Variants in SKAP1 observed in about 807,000 individuals in gnomAD.
SKAP1 encodes src kinase-associated phosphoprotein 1.
Under a neutral mutation model 58.5 loss-of-function variants are expected in SKAP1, and 44 were observed. That is an observed-to-expected ratio of 0.75 (90% CI 0.59 to 0.97). The LOEUF is 0.97. SKAP1 is among the 50% of genes least tolerant of loss of function. The pLI is 0.00. For synonymous variants in SKAP1, 127 were observed against 149.7 expected (o/e 0.85, Z 1.11); for missense variants, 390 against 435.2 (o/e 0.90, Z 0.92).
At chr17:48,192,417 A>G (rs1024926994) in intron 4 of SKAP1, among the ~76,000 whole-genome samples, 4 of 152,108 alleles carry the variant, frequency 2.6e-5, no homozygotes, top group African/African-American at 9.7e-5. Context: ...CCTTTTTTTA[A>G]TGCAAATTTA....
At chr17:48,402,516 G>C (rs1326586750) in intron 1 of SKAP1, among the ~76,000 whole-genome samples, 4 of 152,094 alleles carry the variant, frequency 2.6e-5, no homozygotes, top group Non-Finnish European at 4.4e-5. Flanking sequence ...TTTTAGTAGA[G>C]ATGGGGTTTC....
intron 4 of SKAP1, among the ~76,000 whole-genome samples, chr17:48,283,400 A>T (rs2065792258): frequency 6.6e-6 from 1 of 152,252 alleles, no homozygotes; most frequent in South Asian, 2.1e-4. Context: ...CTCTGGAATC[A>T]GACTGCATGG....
intron 4 of SKAP1, among the ~76,000 whole-genome samples, chr17:48,327,141 T>A (rs987361439): frequency 3.3e-5 from 5 of 152,196 alleles, no homozygotes; most frequent in Admixed American, 6.5e-5. Context: ...TCTGTCCGCC[T>A]CGGCCTCCCA....
At chr17:48,433,685 A>C (rs2067929046), upstream of SKAP1, among the ~76,000 whole-genome samples, 1 of 152,204 alleles carries the variant, frequency 6.6e-6, no homozygotes, top group African/African-American at 2.4e-5. Context: ...AGATAAGGGG[A>C]TCTAAAGAGA....
At chr17:48,140,247 T>A (rs2063752085) in intron 11 of SKAP1, among the ~76,000 whole-genome samples, 1 of 152,226 alleles carries the variant, frequency 6.6e-6, no homozygotes, top group Admixed American at 6.5e-5. Flanking sequence ...TCTCAGTCCT[T>A]AACTTACTTG....
intron 4 of SKAP1, among the ~76,000 whole-genome samples, chr17:48,203,334 G>T (rs2064753258): frequency 6.6e-6 from 1 of 152,204 alleles, no homozygotes; most frequent in Non-Finnish European, 1.5e-5. Flanking sequence ...ACTGTAGAAA[G>T]CTGAAGGCAC....
In SKAP1 at chr17:48,345,956, C is replaced by G; in HGVS notation, c.229G>C (p.Gly77Arg). The G allele has an allele frequency of 6.2e-7, 1 of 1,613,696 alleles. No homozygotes were observed. The highest frequency in any genetic ancestry group is 8.5e-7 in the Non-Finnish European group (1 of 1,179,804). The change falls in exon 4 of 13, where the codon GGC (glycine) becomes CGC (arginine). Residue 77 changes from glycine to arginine, a missense_variant. Gly to Arg is a moderately radical substitution (Grantham distance 125, BLOSUM62 -2). Coordinates refer to ENST00000336915, the MANE Select transcript of SKAP1 (RefSeq NM_003726.4). ...SSDDNHSGTL[G>R]LSLTSDAPFL... ...GGTGCATCGGATGTGAGGGACAGGCCAAGAGTCCCGCTGTGATTATCATCA... is the reference window on the plus strand; with the variant it reads ...GGTGCATCGGATGTGAGGGACAGGCGAAGAGTCCCGCTGTGATTATCATCA...
rs71141977 is a variant in SKAP1, at chr17:48,252,713, A to AGTGTGTGTGT, written c.281-63223_281-63214dup. Reference sequence around the variant, plus strand: ...ATAAAAATGGCCAAAGCTCTAAGCTAGTGTGTGTGTGTGTGTGTGTGTGTG... The same window carrying AGTGTGTGTGT: ...ATAAAAATGGCCAAAGCTCTAAGCTAGTGTGTGTGTGTGTGTGTGTGTGTGTGTGTGTGTG... On this transcript the variant is annotated intron_variant, in intron 4 of 12. Coordinates refer to ENST00000336915, the MANE Select transcript of SKAP1 (RefSeq NM_003726.4). Among the ~76,000 whole-genome samples, 1,212 of 145,114 alleles carry AGTGTGTGTGT rather than the reference A, an allele frequency of 8.4e-3. 39 individuals carry two copies. Among genetic ancestry groups the AGTGTGTGTGT allele is most frequent in the East Asian group, 0.082 (388 of 4,750 alleles).
intron 4 of SKAP1, among the ~76,000 whole-genome samples, chr17:48,285,546 C>T (rs2065819637): frequency 6.8e-6 from 1 of 147,824 alleles, no homozygotes. Context: ...GTCTGGGAGG[C>T]GGAGTTTGCA....
intron 4 of SKAP1, among the ~76,000 whole-genome samples, chr17:48,299,757 G>A (rs555257691): frequency 6.6e-6 from 1 of 152,272 alleles, no homozygotes; most frequent in Non-Finnish European, 1.5e-5. Flanking sequence ...CAAGTAAAAT[G>A]CAAGACAGGA....
At chr17:48,148,076 G>A (rs771249356) in intron 11 of SKAP1, among the ~76,000 whole-genome samples, 1 of 152,168 alleles carries the variant, frequency 6.6e-6, no homozygotes, top group East Asian at 1.9e-4. Flanking sequence ...GCACTTGAGT[G>A]CGAGAGAACA....
At chr17:48,190,354 C>T (rs183895895) in intron 4 of SKAP1, among the ~76,000 whole-genome samples, 39 of 151,922 alleles carry the variant, frequency 2.6e-4, no homozygotes, top group Admixed American at 1.6e-3. Flanking sequence ...CCTCGTGATC[C>T]GTCCACGTTG....
the SKAP1 span, among the ~76,000 whole-genome samples, chr17:48,443,750 A>G: frequency 1.3e-5 from 2 of 152,206 alleles, no homozygotes; most frequent in South Asian, 4.1e-4. Context: ...TGTTGGGATT[A>G]CAGGCGTGAG....
At chr17:48,329,312 T>C (rs1478602529) in intron 4 of SKAP1, among the ~76,000 whole-genome samples, 9 of 152,218 alleles carry the variant, frequency 5.9e-5, no homozygotes, top group Non-Finnish European at 1.3e-4. Context: ...GAGTAGGTGC[T>C]CAATTCATGG....
intron 11 of SKAP1, among the ~76,000 whole-genome samples, chr17:48,146,263 C>T (rs1435247686): frequency 1.3e-5 from 2 of 151,990 alleles, no homozygotes; most frequent in Non-Finnish European, 2.9e-5. Context: ...GAGGCTAAGG[C>T]GGGTGGATCA....
chr17:48,406,033 A>C (rs906327888), intron 1 of SKAP1, among the ~76,000 whole-genome samples: 1 of 152,040 alleles, frequency 6.6e-6, no homozygotes, highest in African/African-American at 2.4e-5. Context: ...TTGGGAGGCC[A>C]AGGCGGGTAG....
chr17:48,436,324 G>C, the SKAP1 span, among the ~76,000 whole-genome samples: 126 of 152,148 alleles, frequency 8.3e-4, no homozygotes, highest in East Asian at 0.013. Flanking sequence ...TGTCCACCTC[G>C]GCCTCCCAAA....
Position 48,170,564 on chromosome 17 carries a change from C to T in SKAP1, c.877+45G>A, listed in dbSNP as rs201490790. The T allele has an allele frequency of 4.5e-4, 685 of 1,523,658 alleles. 1 individual carries two copies. Among genetic ancestry groups the T allele is most frequent in the Non-Finnish European group, 1.7e-4 (183 of 1,098,310 alleles). The allele number at this position is 1,523,658 out of a possible 1,614,324, so 94.4% of individuals were successfully genotyped here. A position where few individuals can be genotyped will look rare whatever the true frequency, so the allele number is the denominator to read the frequency against. On this transcript the variant is annotated intron_variant, in intron 10 of 12. Coordinates refer to ENST00000336915, the MANE Select transcript of SKAP1 (RefSeq NM_003726.4). Reference sequence around the variant, plus strand: ...AAAGGTGCTTTCTCTAATCAGAAGCCCATAATGTCCTACCCAGTGCCTGTG... The same window carrying T: ...AAAGGTGCTTTCTCTAATCAGAAGCTCATAATGTCCTACCCAGTGCCTGTG...
intron 4 of SKAP1, among the ~76,000 whole-genome samples, chr17:48,320,073 T>C (rs985144536): frequency 6.6e-6 from 1 of 151,350 alleles, no homozygotes; most frequent in African/African-American, 2.4e-5. Flanking sequence ...AGGCAAGAGA[T>C]CCAAAGGCAT....
Sources: allele counts gnomAD v4.1 joint callset (sites outside exome capture counted in the v4.1 genomes callset), GRCh38; gene constraint gnomAD v4.1.1; transcripts MANE v1.5; gene names NCBI Gene and HGNC (gene_info 2026-07-23, HGNC 2026-07-21).